The following MROH1 variants were observed in gnomAD, a reference collection of about 807,000 sequenced individuals.
MROH1 encodes maestro heat-like repeat-containing protein family member 1.
Under a neutral mutation model 116.5 loss-of-function variants are expected in MROH1, and 117 were observed. That is an observed-to-expected ratio of 1.00 (90% confidence interval 0.86 to 1.17). The LOEUF (loss-of-function observed/expected upper bound fraction) is 1.17. Among genes scored for constraint, MROH1 ranks in the 50% most tolerant of loss-of-function variants. The pLI is 0.00. For missense variants in MROH1, 1,873 were observed against 1,338.5 expected (o/e 1.40, Z -6.23); for synonymous variants, 921 against 583.9 (o/e 1.58, Z -8.32).
At position 144,180,272 on chromosome 8, in the gene MROH1, G is replaced by C. The variant is rs1170383038; in HGVS notation, c.395G>C (p.Arg132Thr). 6.2e-7 allele frequency: 1 copy of C among 1,611,194 alleles called. No individual in the cohort carries two copies. The highest frequency in any genetic ancestry group is 1.1e-5 in the South Asian group (1 of 91,080). Residue 132 changes from arginine to threonine, a missense_variant, in exon 6 of 44, where the codon AGG becomes ACG. Arg to Thr is a moderately conservative substitution (Grantham distance 71, BLOSUM62 -1). Coordinates refer to ENST00000326134, the MANE Select transcript of MROH1 (RefSeq NM_032450.3). This position sits in a 1 kb window ranked among gnomAD's most constrained non-coding sequence, Gnocchi z 7.4. Reference sequence around the variant, plus strand: ...AAGGTGATGGAGGAGCTGCTGCGCAGGCTGCACCCTGGGACCCTGCCACAC... The same window carrying C: ...AAGGTGATGGAGGAGCTGCTGCGCACGCTGCACCCTGGGACCCTGCCACAC... The part of the protein sequence containing the change: ...ISKVMEELLR[R>T]LHPGTLPHCA...
intron 33 of MROH1, 36 bp from the exon 34 acceptor site, chr8:144,254,777 C>T (rs1175216040): frequency 9.3e-6 from 7 of 750,710 alleles, no homozygotes; most frequent in African/African-American, 1.7e-5. Context: ...CCCTGACCAG[C>T]CACGGCCTCA....
intron 14 of MROH1, among the ~76,000 whole-genome samples, chr8:144,226,883 G>A (rs575416530): frequency 3.9e-5 from 6 of 152,200 alleles, no homozygotes; most frequent in South Asian, 4.2e-4. Context: ...ATAATATTCC[G>A]TCTTCCAATC....
intron 12 of MROH1, among the ~76,000 whole-genome samples, chr8:144,218,820 CTCCCCTCCCCTCCTCCCT>C (rs1289942003): frequency 5.0e-4 from 2 of 3,982 alleles, no homozygotes; most frequent in East Asian, 7.9e-3. Flanking sequence ...CCCTCCTCCC[CTCCCCTCCCCTCCTCCCT>C]TCCCCTCCCC....
chr8:144,212,131 T>G (rs1311219482), intron 12 of MROH1, among the ~76,000 whole-genome samples: 1 of 151,858 alleles, frequency 6.6e-6, no homozygotes, highest in Non-Finnish European at 1.5e-5. Flanking sequence ...TCGCCCAGGG[T>G]GGAGTGTAGC....
At position 144,199,176 on chromosome 8, in the gene MROH1, G is replaced by A. The variant is rs1407308396; in HGVS notation, c.1003G>A (p.Val335Met). 1 of 1,613,654 alleles carries A rather than the reference G, an allele frequency of 6.2e-7. No homozygotes were observed. The highest frequency in any genetic ancestry group is 8.5e-7 in the Non-Finnish European group (1 of 1,179,776). The change falls in exon 11 of 44, where the codon GTG (valine) becomes ATG (methionine). Residue 335 changes from valine (V) to methionine (M), a missense_variant. Transcript: ENST00000326134. The stretch of plus-strand genomic sequence containing the variant: ...CCTGGTGATGAGTAACCAGAAGGAG[G>A]TGCTGCGCTGCTTCACTGTGCTGGG... ...SPLVMSNQKE[V>M]LRCFTVLACS...
intron 9 of MROH1, 60 bp from the exon 10 acceptor site, chr8:144,192,249 C>T: frequency 1.4e-6 from 2 of 1,438,660 alleles, no homozygotes; most frequent in Non-Finnish European, 1.9e-6. Context: ...TCTGATTGAC[C>T]TTAGTCAGTT....
chr8:144,243,893 T>G lies in MROH1; in HGVS notation c.2506T>G (p.Leu836Val). 1 of 780,388 alleles carries G rather than the reference T, an allele frequency of 1.3e-6. No homozygotes were observed. The highest frequency in any genetic ancestry group is 1.7e-5 in the African/African-American group (1 of 59,188). 48.3% of individuals were successfully genotyped at this position (780,388 alleles called of 1,614,324 possible). A position where few individuals can be genotyped will look rare whatever the true frequency, so the allele number is the denominator to read the frequency against. Residue 836 changes from leucine (L) to valine (V), a missense_variant, in exon 26 of 44, where the codon TTG becomes GTG. By Grantham distance (32) the Leu-to-Val change is conservative. Transcript: ENST00000326134. ...EFIRAEPPDS[L>V]RTPIRKKAML... ...CATCAGGGCAGAGCCCCCGGACTCC[T>G]TGAGGACACCTATTCGGAAGAAAGC... is the stretch of plus-strand genomic sequence containing the variant.
Position 144,191,747 on chromosome 8 carries a change from T to C in MROH1, c.747T>C (p.Pro249=), listed in dbSNP as rs1296853548. 5.6e-6 allele frequency: 9 copies of C among 1,613,002 alleles called. No individual in the cohort carries two copies. Among genetic ancestry groups the C allele is most frequent in the Non-Finnish European group, 7.6e-6 (9 of 1,179,696 alleles). ...LRLAVVEALG[P]MSHLLPSERL... is the part of the protein sequence containing the mutation. The stretch of plus-strand genomic sequence containing the variant: ...TTGCCGTGGTGGAGGCTCTGGGGCC[T>C]ATGAGCCATCTGCTGCCCAGTGAGA... Residue 249 remains proline, a synonymous_variant, in exon 9 of 44, where the codon CCT becomes CCC. Transcript: ENST00000326134.
intron 12 of MROH1, among the ~76,000 whole-genome samples, chr8:144,201,402 C>T (rs1196180648): frequency 1.3e-5 from 2 of 152,150 alleles, no homozygotes; most frequent in Admixed American, 6.5e-5. Context: ...GAAAACATAC[C>T]ATTTTTCACA....
chr8:144,158,523 A>G (rs1818725460), intron 1 of MROH1, among the ~76,000 whole-genome samples: 1 of 152,354 alleles, frequency 6.6e-6, no homozygotes, highest in African/African-American at 2.4e-5. Context: ...ATTTAGTGCT[A>G]TAAGTTTCCA....
chr8:144,197,050 G>A lies in MROH1; in HGVS notation c.949-2072G>A, dbSNP rs530091442. On this transcript the variant is annotated intron_variant, in intron 10 of 43. Coordinates refer to ENST00000326134, the MANE Select transcript of MROH1 (RefSeq NM_032450.3). Reference sequence around the variant, plus strand: ...GCGGAGGTTGCAGTGAGCCGAGATCGCGCCATTGCACTCCAGCCTGGGAAA... The same window carrying A: ...GCGGAGGTTGCAGTGAGCCGAGATCACGCCATTGCACTCCAGCCTGGGAAA... Among the ~76,000 whole-genome samples the A allele has an allele frequency of 1.5e-3, 231 of 152,192 alleles. 3 individuals are homozygous for A. Among genetic ancestry groups the A allele is most frequent in the South Asian group, 8.3e-3 (40 of 4,820 alleles).
At chr8:144,207,865 A>C (rs1833188319) in intron 12 of MROH1, among the ~76,000 whole-genome samples, 1 of 151,956 alleles carries the variant, frequency 6.6e-6, no homozygotes, top group South Asian at 2.1e-4. Flanking sequence ...TGAGCTTGCA[A>C]ATTTATGTCT....
chr8:144,221,111 C>T (rs1021384780), intron 13 of MROH1, among the ~76,000 whole-genome samples: 2 of 152,198 alleles, frequency 1.3e-5, no homozygotes, highest in Non-Finnish European at 2.9e-5. Flanking sequence ...TTAGACCCCC[C>T]GCCCCTCTTC....
In MROH1 at chr8:144,250,949, C is replaced by T. The variant is rs1048589201; in HGVS notation, c.3428+583C>T. Reference sequence around the variant, plus strand: ...GGTCCCCCTTCCTCGCCGAGGCCTCCGGAGCATGGGTCTGCTGGCCCTTCC... The same window carrying T: ...GGTCCCCCTTCCTCGCCGAGGCCTCTGGAGCATGGGTCTGCTGGCCCTTCC... On this transcript the variant is annotated intron_variant, in intron 33 of 43. Coordinates refer to ENST00000326134, the MANE Select transcript of MROH1 (RefSeq NM_032450.3). 5.2e-5 allele frequency: 10 copies of T among 192,550 alleles called. No individual in the cohort carries two copies. The South Asian group carries it at 5.7e-4, about 11-fold the overall frequency. 11.9% of individuals were successfully genotyped at this position (192,550 alleles called of 1,614,324 possible).
Position 144,258,664 on chromosome 8 carries a change from A to G in MROH1, c.3792-113A>G. The G allele has an allele frequency of 8.7e-6, 6 of 692,138 alleles. No individual in the cohort carries two copies. In the South Asian group the frequency reaches 9.1e-5, roughly 11 times the overall value. 42.9% of individuals were successfully genotyped at this position (692,138 alleles called of 1,614,324 possible). A position where few individuals can be genotyped will look rare whatever the true frequency, so the allele number is the denominator to read the frequency against. ...TTCCTGGAGAGTGGCTCTGGCAGGG[A>G]TAGGGCTAGCCACCAGGTGGGCAAC... On this transcript the variant is annotated intron_variant, in intron 35 of 43. Transcript: ENST00000326134.
intron 12 of MROH1, chr8:144,201,243 T>G (rs1460173605): frequency 6.6e-6 from 1 of 152,068 alleles, no homozygotes; most frequent in Non-Finnish European, 1.5e-5. Flanking sequence ...TTTTTTTTAG[T>G]AGAGACAGGG....
intron 14 of MROH1, 129 bp downstream of exon 14, chr8:144,223,359 C>A: frequency 8.2e-7 from 1 of 1,217,288 alleles, no homozygotes; most frequent in South Asian, 1.5e-5. Context: ...GCGGAGGTGC[C>A]CTCTGCTGTC....
intron 12 of MROH1, chr8:144,214,527 C>T (rs925351780): frequency 2.0e-5 from 3 of 151,992 alleles, no homozygotes; most frequent in Admixed American, 6.6e-5. Flanking sequence ...TATCGGTGAC[C>T]GTAACTTTTG....
intron 10 of MROH1, among the ~76,000 whole-genome samples, chr8:144,195,287 G>A (rs966171900): frequency 1.3e-5 from 2 of 148,608 alleles, no homozygotes; most frequent in Admixed American, 6.8e-5. Flanking sequence ...AGATCACGAG[G>A]TCAGGAGATC....
Sources: gnomAD v4.1 joint callset for allele counts (sites outside exome capture counted in the v4.1 genomes callset) on GRCh38, gnomAD v4.1.1 for gene constraint, Gnocchi (gnomAD v3.1) non-coding constraint, MANE v1.5 for transcripts, NCBI Gene and HGNC (gene_info 2026-07-23, HGNC 2026-07-21) for gene names.